Variants in CACNB4 observed in about 807,000 individuals in gnomAD.
CACNB4 encodes calcium voltage-gated channel auxiliary subunit beta 4.
CACNB4 carries 32 observed loss-of-function variants against 71.2 expected under a neutral mutation model. The observed-to-expected ratio is 0.45, with a 90% CI of 0.34 to 0.60. The LOEUF is 0.60. Among genes scored for constraint, CACNB4 ranks in the 20% least tolerant of loss-of-function variants. The pLI, the probability that CACNB4 is intolerant of heterozygous loss-of-function variation, is 0.01. For missense variants in CACNB4, 464 were observed against 647.9 expected, an observed-to-expected ratio of 0.72 and a Z score of 3.08; for synonymous variants, 231 against 236.9, an observed-to-expected ratio of 0.97 and a Z score of 0.23.
intron 2 of CACNB4, among the ~76,000 whole-genome samples, chr2:151,964,543 T>A (rs2099870551): frequency 6.6e-6 from 1 of 152,186 alleles, no homozygotes. Flanking sequence ...ATATCAATAT[T>A]TTTAAGATTC....
intron 2 of CACNB4, among the ~76,000 whole-genome samples, chr2:151,931,650 G>T (rs1054968161): frequency 6.6e-6 from 1 of 152,078 alleles, no homozygotes; most frequent in Non-Finnish European, 1.5e-5. Flanking sequence ...GGCAATGGGG[G>T]GGTGACCTCT....
At chr2:152,078,091 A>C (rs1037793979) in intron 2 of CACNB4, among the ~76,000 whole-genome samples, 1 of 152,112 alleles carries the variant, frequency 6.6e-6, no homozygotes, top group South Asian at 2.1e-4. Flanking sequence ...TGGGCTTGGG[A>C]TGGCTTTTTG....
chr2:152,052,708 G>T (rs141931778), intron 2 of CACNB4, among the ~76,000 whole-genome samples: 2 of 152,106 alleles, frequency 1.3e-5, no homozygotes, highest in Non-Finnish European at 2.9e-5. Flanking sequence ...GGCCAGGAGC[G>T]GTGGCTCACG....
chr2:151,963,180 C>T (rs1370532685), intron 2 of CACNB4, among the ~76,000 whole-genome samples: 13 of 151,792 alleles, frequency 8.6e-5, no homozygotes, highest in Admixed American at 3.3e-4. Context: ...GGCGTGGTGA[C>T]GGGCACCTGT....
intron 2 of CACNB4, among the ~76,000 whole-genome samples, chr2:152,029,115 T>G (rs1277462223): frequency 6.6e-6 from 1 of 152,094 alleles, no homozygotes; most frequent in African/African-American, 2.4e-5. Flanking sequence ...TTGAATGTAT[T>G]TGGGAGGTAA....
At chr2:151,992,121 C>A (rs903119655) in intron 2 of CACNB4, among the ~76,000 whole-genome samples, 1 of 152,184 alleles carries the variant, frequency 6.6e-6, no homozygotes, top group Non-Finnish European at 1.5e-5. Flanking sequence ...TATTTGGAGA[C>A]AGGCCTGGAT....
chr2:151,955,422 T>A (rs1033884966), intron 2 of CACNB4, among the ~76,000 whole-genome samples: 4 of 152,208 alleles, frequency 2.6e-5, no homozygotes, highest in Admixed American at 2.0e-4. Context: ...ATGGTAAGAC[T>A]TGATCCTTGC....
chr2:152,036,239 T>C (rs1353937637), intron 2 of CACNB4, among the ~76,000 whole-genome samples: 1 of 152,230 alleles, frequency 6.6e-6, no homozygotes, highest in African/African-American at 2.4e-5. Context: ...ATCTGTTGCA[T>C]AATGGACTGC....
At chr2:152,012,339 C>T (rs1197163721) in intron 2 of CACNB4, among the ~76,000 whole-genome samples, 2 of 152,112 alleles carry the variant, frequency 1.3e-5, no homozygotes, top group Non-Finnish European at 2.9e-5. Context: ...CGTGGTGGCT[C>T]ACACCTGTAA....
intron 2 of CACNB4, among the ~76,000 whole-genome samples, chr2:152,081,265 C>CTT (rs987009460): frequency 2.7e-4 from 41 of 152,170 alleles, no homozygotes; most frequent in African/African-American, 9.7e-4. Context: ...AATTAGTCAA[C>CTT]TTGAGCTGCT....
chr2:152,043,198 T>C lies in CACNB4; in HGVS notation c.147+55132A>G, dbSNP rs371393064. On this transcript the variant is annotated intron_variant, in intron 2 of 13. Transcript: ENST00000539935. ...TAAGCAGCTGAGCAGCCCGTGCCAC[T>C]GCTCGCCTATGGAGCAGACACTCTT... Among the ~76,000 whole-genome samples the C allele has an allele frequency of 2.0e-4, 30 of 152,306 alleles. No homozygotes were observed. The East Asian group carries it at 4.4e-3, about 23-fold the overall frequency.
At chr2:152,028,509 T>G (rs975864625) in intron 2 of CACNB4, among the ~76,000 whole-genome samples, 1 of 152,186 alleles carries the variant, frequency 6.6e-6, no homozygotes, top group African/African-American at 2.4e-5. Context: ...CCTATATGAT[T>G]TCTAGATAAT....
intron 3 of CACNB4, among the ~76,000 whole-genome samples, chr2:151,881,639 A>C (rs73967709): frequency 2.0e-5 from 3 of 152,220 alleles, no homozygotes; most frequent in African/African-American, 7.2e-5. Context: ...CTGAAAGAAA[A>C]TTTTGTAACA....
intron 2 of CACNB4, among the ~76,000 whole-genome samples, chr2:151,942,516 T>C (rs1026076083): frequency 1.3e-5 from 2 of 148,732 alleles, no homozygotes; most frequent in African/African-American, 5.2e-5. Context: ...TAACAGCGAT[T>C]TTTAGGGAAC....
intron 2 of CACNB4, among the ~76,000 whole-genome samples, chr2:152,091,251 A>G (rs1262054681): frequency 1.3e-5 from 2 of 152,196 alleles, no homozygotes; most frequent in Non-Finnish European, 2.9e-5. Flanking sequence ...TCAGAGCAAG[A>G]GAAGATTCAT....
intron 2 of CACNB4, chr2:151,971,224 ATGGTTT>A: frequency 2.2e-6 from 1 of 454,706 alleles, no homozygotes; most frequent in Non-Finnish European, 4.0e-6. Flanking sequence ...GTGTATAATA[ATGGTTT>A]ACTCTTATTC....
chr2:151,871,680 G>A (rs2099844673), intron 6 of CACNB4: 1 of 152,480 alleles, frequency 6.6e-6, no homozygotes, highest in African/African-American at 2.4e-5. Context: ...GTTGCCTCCA[G>A]TTTTGGTAGG....
intron 2 of CACNB4, among the ~76,000 whole-genome samples, chr2:151,919,745 T>C (rs907820511): frequency 1.3e-5 from 2 of 152,172 alleles, no homozygotes; most frequent in African/African-American, 4.8e-5. Flanking sequence ...TTCCTCCATG[T>C]ACACTTTTAA....
intron 12 of CACNB4, among the ~76,000 whole-genome samples, chr2:151,846,377 A>T (rs1220193023): frequency 6.6e-6 from 1 of 152,210 alleles, no homozygotes; most frequent in Non-Finnish European, 1.5e-5. Flanking sequence ...GTCTTCCTTA[A>T]TGACTATAAA....
Sources: allele counts gnomAD v4.1 joint callset (sites outside exome capture counted in the v4.1 genomes callset), GRCh38; gene constraint gnomAD v4.1.1; transcripts MANE v1.5; gene names NCBI Gene and HGNC (gene_info 2026-07-23, HGNC 2026-07-21).